The following COL19A1 variants were observed in gnomAD, a reference collection of about 807,000 sequenced individuals.
COL19A1 encodes the protein collagen alpha-1(XIX) chain.
In COL19A1, 159 loss-of-function variants were observed where a neutral mutation model predicts 190.2. The ratio of observed to expected loss-of-function variants is 0.84; its 90% CI spans 0.73 to 0.95. The LOEUF (loss-of-function observed/expected upper bound fraction) is 0.95. Among genes scored for constraint, COL19A1 ranks in the 40% least tolerant of loss-of-function variants. COL19A1 has a pLI of 0.00. For missense variants in COL19A1, 1,418 were observed against 1,431.9 expected, an observed-to-expected ratio of 0.99 and a Z score of 0.16; for synonymous variants, 509 against 458.9, an observed-to-expected ratio of 1.11 and a Z score of -1.39.
intron 11 of COL19A1, among the ~76,000 whole-genome samples, chr6:69,987,061 C>G (rs1254183816): frequency 6.6e-6 from 1 of 152,094 alleles, no homozygotes; most frequent in Admixed American, 6.6e-5. Flanking sequence ...GCTGGGACTA[C>G]AGGCATGACT....
At chr6:70,045,130 T>C (rs956025068) in intron 14 of COL19A1, among the ~76,000 whole-genome samples, 2 of 151,818 alleles carry the variant, frequency 1.3e-5, no homozygotes, top group Non-Finnish European at 2.9e-5. Flanking sequence ...CTGACCAAAA[T>C]GGAGAAATGC....
chr6:69,918,366 G>T (rs6941069), intron 4 of COL19A1, among the ~76,000 whole-genome samples: 5,409 of 152,164 alleles, frequency 0.036, 348 homozygotes, highest in African/African-American at 0.12. Flanking sequence ...AGTGGAGATG[G>T]AGAGAAGTAG....
At chr6:70,190,481 C>A in intron 48 of COL19A1, 100 bp downstream of exon 48, 1 of 766,142 alleles carries the variant, frequency 1.3e-6, no homozygotes, top group Admixed American at 2.7e-5. Flanking sequence ...GATGGCCATG[C>A]CACAAAAACC....
intron 11 of COL19A1, among the ~76,000 whole-genome samples, chr6:69,975,288 T>C (rs1326886514): frequency 2.0e-5 from 3 of 152,234 alleles, no homozygotes; most frequent in African/African-American, 7.2e-5. Context: ...AGTGTACTGT[T>C]AGTGTAATGC....
intron 1 of COL19A1, among the ~76,000 whole-genome samples, chr6:69,869,560 A>C (rs1168038394): frequency 6.6e-6 from 1 of 152,136 alleles, no homozygotes; most frequent in Non-Finnish European, 1.5e-5. Flanking sequence ...AATTGAAAAA[A>C]AATGGGAAAA....
chr6:70,065,271 C>T (rs9454957), intron 14 of COL19A1, among the ~76,000 whole-genome samples: 81,586 of 151,814 alleles, frequency 0.54, 22,826 homozygotes, highest in African/African-American at 0.67. Context: ...TATAGACCAA[C>T]GGAACAGAAC....
chr6:69,942,756 G>GTGTA, intron 9 of COL19A1, among the ~76,000 whole-genome samples: 1 of 151,802 alleles, frequency 6.6e-6, no homozygotes, highest in East Asian at 1.9e-4. Context: ...GTGTGTGTGT[G>GTGTA]TGTGTGTGTG....
chr6:70,194,668 G>A (rs1469564475), intron 48 of COL19A1, among the ~76,000 whole-genome samples: 1 of 152,140 alleles, frequency 6.6e-6, no homozygotes, highest in East Asian at 1.9e-4. Context: ...CCACACAAAT[G>A]AGGCTCTTGC....
chr6:70,164,623 A>G (rs1224273340), intron 36 of COL19A1, among the ~76,000 whole-genome samples: 1 of 152,164 alleles, frequency 6.6e-6, no homozygotes, highest in African/African-American at 2.4e-5. Context: ...AGTTAATGGG[A>G]ATTCCACACT....
rs1771896130 is a variant in COL19A1 at position 69,921,481 on chromosome 6, T to TATATATTCATATATATTCATATATATTC, written c.267-6423_267-6396dup. The stretch of plus-strand genomic sequence containing the variant: ...TATATCATATATATTCATATATTCA[T>TATATATTCATATATATTCATATATATTC]ATATATTCATATATATTCATATATA... On this transcript the variant is annotated intron_variant, in intron 4 of 50. Transcript: ENST00000620364. 4.7e-3 allele frequency among the ~76,000 whole-genome samples: 408 copies of TATATATTCATATATATTCATATATATTC among 86,402 alleles called. 50 individuals are homozygous for TATATATTCATATATATTCATATATATTC. The highest frequency in any genetic ancestry group is 0.024 in the African/African-American group (394 of 16,682). The allele number at this position is 86,402 out of a possible 152,430, so 56.7% of individuals were successfully genotyped here.
In COL19A1 at chr6:69,892,320, A is replaced by G. The variant is rs567966889; in HGVS notation, c.92-6628A>G. 3.9e-5 allele frequency among the ~76,000 whole-genome samples: 6 copies of G among 152,350 alleles called. No individual in the cohort carries two copies. In the South Asian group the frequency reaches 1.2e-3, roughly 32 times the overall value. Reference sequence around the variant, plus strand: ...GACTGCTGGTTGGTTCACAGGAACAAGCAGGGTTAGCCTAAAATGTAAGCG... The same window carrying G: ...GACTGCTGGTTGGTTCACAGGAACAGGCAGGGTTAGCCTAAAATGTAAGCG... On this transcript the variant is annotated intron_variant, in intron 2 of 50. Transcript: ENST00000620364.
chr6:70,085,585 CTATT>C (rs1782534466), intron 15 of COL19A1, among the ~76,000 whole-genome samples: 2 of 152,152 alleles, frequency 1.3e-5, no homozygotes, highest in African/African-American at 4.8e-5. Flanking sequence ...CAGGAATAAA[CTATT>C]TATAACATAG....
chr6:70,061,405 C>T (rs1780820667), intron 14 of COL19A1, among the ~76,000 whole-genome samples: 1 of 151,470 alleles, frequency 6.6e-6, no homozygotes, highest in Non-Finnish European at 1.5e-5. Context: ...TAGCTGGGTC[C>T]TAGACTTAGC....
rs765359855 is a variant in COL19A1, at chr6:70,149,689, C to T, written c.1894-15C>T. The T allele has an allele frequency of 1.9e-5, 31 of 1,611,276 alleles. No individual in the cohort carries two copies. Among genetic ancestry groups the T allele is most frequent in the South Asian group, 1.7e-4 (15 of 90,816 alleles). ...CTTGGTGGAATTTTAATAATAAAAT[C>T]TCATTTGTACTCAGGGCGCCCAAGG... is the stretch of plus-strand genomic sequence containing the variant. On this transcript the variant is annotated splice_polypyrimidine_tract_variant and intron_variant, in intron 27 of 50. Coordinates refer to ENST00000620364, the MANE Select transcript of COL19A1 (RefSeq NM_001858.6).
At chr6:69,965,835 A>T (rs78226214) in intron 11 of COL19A1, among the ~76,000 whole-genome samples, 4,489 of 152,112 alleles carry the variant, frequency 0.03, 98 homozygotes, top group Non-Finnish European at 0.045. Context: ...TCACCCAAGG[A>T]TCCTTGGGCT....
intron 47 of COL19A1, 80 bp from the exon 48 acceptor site, chr6:70,190,235 G>T: frequency 9.0e-7 from 1 of 1,111,026 alleles, no homozygotes; most frequent in Non-Finnish European, 1.3e-6. Context: ...GTTTCAAATA[G>T]GCAAGCCAAC....
At chr6:70,130,433 C>T (rs1785453754) in intron 18 of COL19A1, among the ~76,000 whole-genome samples, 1 of 152,196 alleles carries the variant, frequency 6.6e-6, no homozygotes, top group Admixed American at 6.5e-5. Flanking sequence ...ACCATGTTGG[C>T]CAGGTTGGTC....
intron 1 of COL19A1, among the ~76,000 whole-genome samples, chr6:69,875,173 A>G (rs1295486488): frequency 2.0e-5 from 3 of 152,236 alleles, no homozygotes; most frequent in Non-Finnish European, 4.4e-5. Context: ...CTGAAGGATG[A>G]ACACAGAATG....
At chr6:70,203,652 C>T (rs551998485) in intron 49 of COL19A1, among the ~76,000 whole-genome samples, 4 of 151,536 alleles carry the variant, frequency 2.6e-5, no homozygotes, top group East Asian at 1.9e-4. Flanking sequence ...TGTATACAGG[C>T]GCACAGATTT....
Sources: allele counts gnomAD v4.1 joint callset (sites outside exome capture counted in the v4.1 genomes callset), GRCh38; gene constraint gnomAD v4.1.1; transcripts MANE v1.5; gene names NCBI Gene and HGNC (gene_info 2026-07-23, HGNC 2026-07-21).